Variants in SUFU observed in about 807,000 individuals in gnomAD.
SUFU encodes SUFU negative regulator of hedgehog signaling, also known as suppressor of fused homolog.
Under a neutral mutation model 58.9 loss-of-function variants are expected in SUFU, and 7 were observed. The observed-to-expected ratio is 0.12, with a 90% CI of 0.07 to 0.22. The LOEUF is 0.22. Among genes scored for constraint, SUFU ranks in the 10% least tolerant of loss-of-function variants. The pLI is 1.00. For missense variants in SUFU, 451 were observed against 641.3 expected (o/e 0.70, Z 3.20); for synonymous variants, 232 against 254.8 (o/e 0.91, Z 0.85).
At chr10:102,514,330 G>T (rs2062438797) in intron 2 of SUFU, among the ~76,000 whole-genome samples, 2 of 152,230 alleles carry the variant, frequency 1.3e-5, no homozygotes, top group African/African-American at 4.8e-5. Flanking sequence ...TCAGGGTCAG[G>T]AGGGGATGCC....
intron 2 of SUFU, among the ~76,000 whole-genome samples, chr10:102,549,242 G>A (rs998469007): frequency 6.6e-6 from 1 of 152,156 alleles, no homozygotes; most frequent in Admixed American, 6.5e-5. Flanking sequence ...AATTTATAAA[G>A]GAAAATAGGT....
intron 2 of SUFU, among the ~76,000 whole-genome samples, chr10:102,526,323 G>T (rs377114500): frequency 8.5e-5 from 13 of 152,138 alleles, no homozygotes; most frequent in Non-Finnish European, 1.3e-4. Flanking sequence ...GAGGCCACGG[G>T]GGGGTGGATC....
chr10:102,525,756 G>A (rs750281422), intron 2 of SUFU, among the ~76,000 whole-genome samples: 22 of 151,954 alleles, frequency 1.4e-4, no homozygotes, highest in African/African-American at 4.8e-4. Flanking sequence ...CACCTGCCTC[G>A]GTGTCCCAAA....
chr10:102,593,854 G>A (rs1431727632), intron 5 of SUFU, 133 bp downstream of exon 5: 10 of 1,361,942 alleles, frequency 7.3e-6, no homozygotes, highest in African/African-American at 4.3e-5. Context: ...GCTTCCTGAC[G>A]ACTCACTCCC....
chr10:102,511,079 C>A (rs1478090761), intron 2 of SUFU, among the ~76,000 whole-genome samples: 2 of 150,088 alleles, frequency 1.3e-5, no homozygotes, highest in African/African-American at 4.9e-5. Flanking sequence ...CAAGATTGTG[C>A]CATTGTACTC....
intron 8 of SUFU, among the ~76,000 whole-genome samples, chr10:102,601,177 A>G (rs1041058307): frequency 1.3e-5 from 2 of 152,138 alleles, no homozygotes; most frequent in African/African-American, 4.8e-5. Flanking sequence ...GCTCCTGCAG[A>G]GATACAACCT....
At chr10:102,570,837 A>G (rs1022834942) in intron 3 of SUFU, among the ~76,000 whole-genome samples, 1 of 152,202 alleles carries the variant, frequency 6.6e-6, no homozygotes, top group Non-Finnish European at 1.5e-5. Flanking sequence ...TCTCAGTTCT[A>G]CTGGATCCTT....
chr10:102,503,734 G>A (rs947602538), upstream of SUFU, among the ~76,000 whole-genome samples: 6 of 152,188 alleles, frequency 3.9e-5, no homozygotes, highest in African/African-American at 1.4e-4. Flanking sequence ...CGCTGCTTTC[G>A]TGGGACCTTA....
chr10:102,556,808 G>A (rs1330512808), intron 3 of SUFU, among the ~76,000 whole-genome samples: 3 of 151,552 alleles, frequency 2.0e-5, no homozygotes, highest in African/African-American at 7.3e-5. Flanking sequence ...AGGAAGATGG[G>A]TGGGGCACAG....
intron 1 of SUFU, among the ~76,000 whole-genome samples, chr10:102,507,643 C>T (rs1331065650): frequency 2.0e-5 from 3 of 152,242 alleles, no homozygotes; most frequent in Non-Finnish European, 2.9e-5. Flanking sequence ...TCCACAAAGG[C>T]AAATAATATC....
intron 10 of SUFU, among the ~76,000 whole-genome samples, chr10:102,626,784 C>G (rs1002671069): frequency 2.6e-5 from 4 of 152,150 alleles, no homozygotes; most frequent in African/African-American, 9.7e-5. Context: ...GACACTAGAG[C>G]CTGACTGGGC....
At chr10:102,513,716 G>A (rs905214993) in intron 2 of SUFU, among the ~76,000 whole-genome samples, 3 of 152,186 alleles carry the variant, frequency 2.0e-5, no homozygotes, top group African/African-American at 4.8e-5. Flanking sequence ...GCCATCTGCA[G>A]CCTGACGCGG....
chr10:102,601,790 T>C (rs1564700873), intron 8 of SUFU, among the ~76,000 whole-genome samples: 1 of 152,168 alleles, frequency 6.6e-6, no homozygotes, highest in Non-Finnish European at 1.5e-5. Flanking sequence ...ACCACATGGA[T>C]TGCAACTGAG....
At chr10:102,513,777 A>G (rs554523623) in intron 2 of SUFU, among the ~76,000 whole-genome samples, 20 of 152,358 alleles carry the variant, frequency 1.3e-4, no homozygotes, top group African/African-American at 4.3e-4. Context: ...CTTCTAGCTC[A>G]GTATTTCAAA....
At chr10:102,505,292 TC>T (rs2062311037) in intron 1 of SUFU, among the ~76,000 whole-genome samples, 2 of 152,316 alleles carry the variant, frequency 1.3e-5, no homozygotes, top group East Asian at 3.9e-4. Flanking sequence ...GCCTGTTTCT[TC>T]CTTCAGCATT....
chr10:102,570,804 T>A (rs189114523), intron 3 of SUFU, among the ~76,000 whole-genome samples: 200 of 152,288 alleles, frequency 1.3e-3, no homozygotes, highest in African/African-American at 4.6e-3. Context: ...GCTCTTCCTA[T>A]GTGGGTGGAT....
chr10:102,519,065 C>CG (rs2062511768), intron 2 of SUFU, among the ~76,000 whole-genome samples: 1 of 143,614 alleles, frequency 7.0e-6, no homozygotes, highest in Non-Finnish European at 1.5e-5. Flanking sequence ...GGCATGAACC[C>CG]GGGGGGCGGA....
intron 3 of SUFU, among the ~76,000 whole-genome samples, chr10:102,580,027 G>GCTCCCCCCCCCCC (rs1378925159): frequency 2.4e-5 from 1 of 41,954 alleles, no homozygotes; most frequent in Non-Finnish European, 4.9e-5. Flanking sequence ...CTCCTCCCCC[G>GCTCCCCCCCCCCC]CACCCCCCCC....
In SUFU at chr10:102,628,201, A is replaced by G. The variant is rs1415616502; in HGVS notation, c.1365+958A>G. On this transcript the variant is annotated intron_variant, in intron 11 of 11. Coordinates refer to ENST00000369902, the MANE Select transcript of SUFU (RefSeq NM_016169.4). This position sits in a 1 kb window ranked among gnomAD's most constrained non-coding sequence, Gnocchi z 4.5. ...GCCAGGGCTGGAGCTTCCAGCTTCC[A>G]GGGCTCCCTGGGCTGCAACAGCCAG... Among the ~76,000 whole-genome samples the G allele has an allele frequency of 1.3e-5, 2 of 152,118 alleles. No individual in the cohort carries two copies. Among genetic ancestry groups the G allele is most frequent in the African/African-American group, 4.8e-5 (2 of 41,422 alleles).
Sources: gnomAD v4.1 joint callset for allele counts (sites outside exome capture counted in the v4.1 genomes callset) on GRCh38, gnomAD v4.1.1 for gene constraint, Gnocchi (gnomAD v3.1) non-coding constraint, MANE v1.5 for transcripts, NCBI Gene and HGNC (gene_info 2026-07-23, HGNC 2026-07-21) for gene names.